Variants in FAHD2B observed in about 807,000 individuals in gnomAD.
FAHD2B encodes the protein fumarylacetoacetate hydrolase domain containing 2B.
In FAHD2B, 26 loss-of-function variants were observed where a neutral mutation model predicts 33.7. That is an observed-to-expected ratio of 0.77 (90% CI 0.57 to 1.07). The LOEUF is 1.07. Ranked by LOEUF, FAHD2B falls within the 50% of genes least tolerant of loss-of-function variation. The pLI is 0.00. For synonymous variants in FAHD2B, 108 were observed against 150.9 expected (o/e 0.72, Z 2.08); for missense variants, 272 against 388.1 (o/e 0.70, Z 2.51).
downstream of FAHD2B, chr2:97,083,123 G>A: frequency 5.8e-6 from 9 of 1,549,816 alleles, no homozygotes; most frequent in Non-Finnish European, 7.8e-6. Context: ...CGCACTCATG[G>A]CGCATCTTCC....
downstream of FAHD2B, chr2:97,082,601 T>A (rs571648871): frequency 3.1e-4 from 482 of 1,571,446 alleles, 10 homozygotes; most frequent in South Asian, 5.1e-3. Context: ...CCAGTCTGAG[T>A]TCTATCCCTC....
downstream of FAHD2B, chr2:97,083,169 A>C: frequency 6.3e-7 from 1 of 1,597,660 alleles, no homozygotes; most frequent in South Asian, 1.1e-5. Context: ...CGAGCCCTGC[A>C]GGCCCCAGGC....
rs1376565526 is a variant in FAHD2B at position 97,091,504 on chromosome 2, T to C, written c.203A>G (p.Gln68Arg). ...GGTGGCCTCTCCCTGCTCTAGGAACTGCGTCATCGTCTTTGGGAGTGTGGG... is the reference window on the plus strand; with the variant it reads ...GGTGGCCTCTCCCTGCTCTAGGAACCGCGTCATCGTCTTTGGGAGTGTGGG... ...FDPTLPKTMT[Q>R]FLEQGEATLS... Residue 68 changes from glutamine to arginine, a missense_variant, in exon 3 of 9, where the codon CAG becomes CGG. Transcript: ENST00000414820. 3 of 1,613,136 alleles carry C rather than the reference T, an allele frequency of 1.9e-6. No homozygotes were observed. Among genetic ancestry groups the C allele is most frequent in the Non-Finnish European group, 2.5e-6 (3 of 1,179,842 alleles).
downstream of FAHD2B, among the ~76,000 whole-genome samples, chr2:97,079,742 GC>G (rs1182399866): frequency 2.0e-5 from 3 of 151,418 alleles, no homozygotes; most frequent in African/African-American, 7.3e-5. Context: ...TCGGCTCACG[GC>G]AACCTCCACC....
intron 4 of FAHD2B, among the ~76,000 whole-genome samples, chr2:97,088,083 G>A (rs1438996067): frequency 1.3e-5 from 2 of 152,082 alleles, no homozygotes; most frequent in Non-Finnish European, 2.9e-5. Context: ...GGGCAGGGGG[G>A]ATTGTTTGAG....
chr2:97,081,312 C>T (rs2031636785), downstream of FAHD2B: 2 of 1,507,952 alleles, frequency 1.3e-6, no homozygotes, highest in African/African-American at 3.0e-5. Context: ...AGGAATGGCC[C>T]ATCCCTGCCC....
intron 6 of FAHD2B, among the ~76,000 whole-genome samples, chr2:97,084,932 C>G (rs1327951108): frequency 1.1e-4 from 16 of 150,170 alleles, no homozygotes; most frequent in Non-Finnish European, 1.9e-4. Context: ...AAAAAAGACT[C>G]AGAATCTATA....
At chr2:97,089,129 TC>T (rs1302128283) in intron 4 of FAHD2B, among the ~76,000 whole-genome samples, 1 of 152,004 alleles carries the variant, frequency 6.6e-6, no homozygotes, top group Non-Finnish European at 1.5e-5. Context: ...TGTAAGTTGC[TC>T]TTACAATTTG....
downstream of FAHD2B, among the ~76,000 whole-genome samples, chr2:97,080,766 G>C (rs1369491071): frequency 6.6e-6 from 1 of 151,998 alleles, no homozygotes; most frequent in African/African-American, 2.4e-5. Context: ...TCTTTGAGCA[G>C]TGGTTTGTTG....
chr2:97,081,253 A>G, downstream of FAHD2B: 1 of 1,480,294 alleles, frequency 6.8e-7, no homozygotes, highest in Non-Finnish European at 9.0e-7. Context: ...GCTAAAGGTC[A>G]GGCCTCCCCT....
chr2:97,094,863 G>C lies in FAHD2B; in HGVS notation c.-295C>G, dbSNP rs561258253. 1 of 133,764 alleles carries C rather than the reference G, an allele frequency of 7.5e-6. No homozygotes were observed. The highest frequency in any genetic ancestry group is 2.2e-4 in the East Asian group (1 of 4,488). 8.3% of individuals were successfully genotyped at this position (133,764 alleles called of 1,614,324 possible). A position where few individuals can be genotyped will look rare whatever the true frequency, so the allele number is the denominator to read the frequency against. ...ACTGCCGCTCGGTGCGCACTCCAGC[G>C]AGAAGCGGGCGCGTCCTGTGACGTC... On this transcript the variant is annotated 5_prime_UTR_variant, in exon 1 of 9. Transcript: ENST00000414820.
chr2:97,090,288 C>T lies in FAHD2B; in HGVS notation c.283G>A (p.Glu95Lys). Reference protein sequence around the residue: ...AAQLPVLPWSEVTFLAPVTWP... With the variant: ...AAQLPVLPWSKVTFLAPVTWP... Reference sequence around the variant, plus strand: ...GTGACTGGAGCCAGGAAGGTTACCTCCGACCATGGTAGGACTGGCAACTGG... The same window carrying T: ...GTGACTGGAGCCAGGAAGGTTACCTTCGACCATGGTAGGACTGGCAACTGG... Residue 95 changes from glutamate (E) to lysine (K), a missense_variant, in exon 4 of 9, where the codon GAG becomes AAG. By Grantham distance (56) the Glu-to-Lys change is moderately conservative (BLOSUM62 1). Transcript: ENST00000414820. 6.2e-7 allele frequency: 1 copy of T among 1,613,594 alleles called. No individual in the cohort carries two copies. The highest frequency in any genetic ancestry group is 1.1e-5 in the South Asian group (1 of 90,910).
At position 97,086,196 on chromosome 2, in the gene FAHD2B, C is replaced by G; in HGVS notation, c.465G>C (p.Glu155Asp). Residue 155 changes from glutamate (E) to aspartate (D), a missense_variant and splice_region_variant, in exon 5 of 9, where the codon GAG becomes GAC. Glu to Asp is a conservative substitution (Grantham distance 45). Transcript: ENST00000414820. The part of the protein sequence containing the change: ...DEVVLPPQSQ[E>D]VDWEVELAVV... ...CGGCCAGCTCCACTTCCCAATCTAC[C>G]TCCTGTAGGGTGGGAGAGGAATAGT... is the stretch of plus-strand genomic sequence containing the variant. 6.2e-7 allele frequency: 1 copy of G among 1,611,576 alleles called. No homozygotes were observed. The highest frequency in any genetic ancestry group is 1.3e-5 in the African/African-American group (1 of 75,012).
At chr2:97,087,454 T>C (rs1447902001) in intron 4 of FAHD2B, among the ~76,000 whole-genome samples, 2 of 151,996 alleles carry the variant, frequency 1.3e-5, no homozygotes, top group African/African-American at 4.8e-5. Context: ...TCCCAGCACT[T>C]TGGGAGGCTG....
rs1359592412 is a variant in FAHD2B, at chr2:97,084,261, C to CT, written c.701dup (p.Ile235AspfsTer64). The CT allele has an allele frequency of 5.0e-6, 8 of 1,613,550 alleles. No homozygotes were observed. In the African/African-American group the frequency reaches 6.7e-5, roughly 13 times the overall value. Reference sequence around the variant, plus strand: ...CTTCCCCATTCACTCGGCAGCAGATCTTTAAGTTGTGTGGATCTGAAATGC... The same window carrying CT: ...CTTCCCCATTCACTCGGCAGCAGATCTTTTAAGTTGTGTGGATCTGAAATGC... On this transcript the variant is annotated frameshift_variant, in exon 7 of 9. Coordinates refer to ENST00000414820, the MANE Select transcript of FAHD2B (RefSeq NM_001320848.2). LOFTEE classifies it high-confidence loss of function.
chr2:97,092,965 CA>C (rs748844060), intron 1 of FAHD2B, among the ~76,000 whole-genome samples: 2,602 of 64,268 alleles, frequency 0.04, 49 homozygotes, highest in African/African-American at 0.12. Context: ...AGAGCGACTC[CA>C]AAAAAAAAAA....
chr2:97,091,537 G>C lies in FAHD2B; in HGVS notation c.170C>G (p.Ala57Gly). The C allele has an allele frequency of 6.2e-7, 1 of 1,613,604 alleles. No homozygotes were observed. The highest frequency in any genetic ancestry group is 2.2e-5 in the East Asian group (1 of 44,858). Residue 57 changes from alanine to glycine, a missense_variant, in exon 3 of 9, where the codon GCC becomes GGC. Coordinates refer to ENST00000414820, the MANE Select transcript of FAHD2B (RefSeq NM_001320848.2). ...CGTCTTTGGGAGTGTGGGGTCAAAGGCATTGAGGTTGATAACCCCTCCACC... is the reference window on the plus strand; with the variant it reads ...CGTCTTTGGGAGTGTGGGGTCAAAGCCATTGAGGTTGATAACCCCTCCACC... ...GNGGGVINLN[A>G]FDPTLPKTMT...
chr2:97,080,498 T>C (rs2031604635), downstream of FAHD2B, among the ~76,000 whole-genome samples: 1 of 152,042 alleles, frequency 6.6e-6, no homozygotes, highest in African/African-American at 2.4e-5. Context: ...AGACCTGTAG[T>C]ATAGTTTGAA....
At chr2:97,092,757 G>A (rs1339411122) in intron 1 of FAHD2B, among the ~76,000 whole-genome samples, 3 of 151,848 alleles carry the variant, frequency 2.0e-5, no homozygotes, top group African/African-American at 7.3e-5. Context: ...GATCACTTGA[G>A]GTCAGGAGTT....
Sources: allele counts gnomAD v4.1 joint callset (sites outside exome capture counted in the v4.1 genomes callset), GRCh38; gene constraint gnomAD v4.1.1; transcripts MANE v1.5; gene names NCBI Gene and HGNC (gene_info 2026-07-23, HGNC 2026-07-21).